Variants in C10orf90 observed in about 807,000 individuals in gnomAD.
C10orf90 encodes (E2-independent) E3 ubiquitin-conjugating enzyme FATS.
In C10orf90, 56 loss-of-function variants were observed where a neutral mutation model predicts 62.5. The ratio of observed to expected loss-of-function variants is 0.90; its 90% CI spans 0.72 to 1.12. The LOEUF (loss-of-function observed/expected upper bound fraction) is 1.12. C10orf90 is among the 50% of genes most tolerant of loss of function. The probability of loss-of-function intolerance (pLI) is 0.00; values close to 1 mark genes in which losing one functional copy is unlikely to be tolerated. For synonymous variants in C10orf90, 386 were observed against 340.4 expected, an observed-to-expected ratio of 1.13 and a Z score of -1.47; for missense variants, 970 against 880.4, an observed-to-expected ratio of 1.10 and a Z score of -1.29.
At chr10:126,491,291 A>C (rs1861757445) in intron 4 of C10orf90, among the ~76,000 whole-genome samples, 1 of 152,230 alleles carries the variant, frequency 6.6e-6, no homozygotes, top group Non-Finnish European at 1.5e-5. Flanking sequence ...CAGAAAGATC[A>C]GTGGTTTCCC....
chr10:126,456,456 C>A lies in C10orf90; in HGVS notation c.2188+2584G>T, dbSNP rs896542791. 6.6e-6 allele frequency among the ~76,000 whole-genome samples: 1 copy of A among 152,116 alleles called. No homozygotes were observed. ...TACTCAGTTAACATTCTGAACTGAG[C>A]CTGGTTACCTTTTATTACATACAAT... is the stretch of plus-strand genomic sequence containing the variant. On this transcript the variant is annotated intron_variant, in intron 7 of 9. Coordinates refer to ENST00000488181, the MANE Select transcript of C10orf90 (RefSeq NM_001350921.2). The surrounding 1 kb of genome is among the most constrained non-coding windows in gnomAD (Gnocchi z 4.9).
At chr10:126,572,899 T>A (rs1844535940) in intron 2 of C10orf90, among the ~76,000 whole-genome samples, 1 of 152,048 alleles carries the variant, frequency 6.6e-6, no homozygotes, top group African/African-American at 2.4e-5. Context: ...GAGGCATGAG[T>A]AATCCACCCC....
intron 1 of C10orf90, among the ~76,000 whole-genome samples, chr10:126,661,214 T>C (rs1479715019): frequency 6.6e-6 from 1 of 152,198 alleles, no homozygotes; most frequent in African/African-American, 2.4e-5. Context: ...GGCTCTATGA[T>C]AGAGTTGGAG....
intron 2 of C10orf90, among the ~76,000 whole-genome samples, chr10:126,613,276 C>T (rs1591144694): frequency 6.6e-6 from 1 of 152,080 alleles, no homozygotes; most frequent in Non-Finnish European, 1.5e-5. Context: ...CTCTCTCCAC[C>T]TAGGTTGGAG....
rs2134091496 is a variant in C10orf90, at chr10:126,456,647, T to G, written c.2188+2393A>C. Among the ~76,000 whole-genome samples, 1 of 152,312 alleles carries G rather than the reference T, an allele frequency of 6.6e-6. No individual in the cohort carries two copies. Among genetic ancestry groups the G allele is most frequent in the Admixed American group, 6.5e-5 (1 of 15,298 alleles). On this transcript the variant is annotated intron_variant, in intron 7 of 9. Coordinates refer to ENST00000488181, the MANE Select transcript of C10orf90 (RefSeq NM_001350921.2). This position sits in a 1 kb window ranked among gnomAD's most constrained non-coding sequence, Gnocchi z 4.9. Reference sequence around the variant, plus strand: ...ATGTGACTTCTTTGGAAATAGGGTCTTTGCAGAGGTAATCAAGTTAAAATG... The same window carrying G: ...ATGTGACTTCTTTGGAAATAGGGTCGTTGCAGAGGTAATCAAGTTAAAATG...
At chr10:126,531,376 C>A in intron 2 of C10orf90, among the ~76,000 whole-genome samples, 1 of 152,096 alleles carries the variant, frequency 6.6e-6, no homozygotes, top group Non-Finnish European at 1.5e-5. Context: ...TGCTGCGAAA[C>A]CCCTGAGGAT....
At chr10:126,665,500 C>A (rs2133877466) in intron 1 of C10orf90, among the ~76,000 whole-genome samples, 1 of 152,280 alleles carries the variant, frequency 6.6e-6, no homozygotes, top group Non-Finnish European at 1.5e-5. Context: ...GGAAAACATT[C>A]ATCAAAGCCC....
intron 4 of C10orf90, among the ~76,000 whole-genome samples, chr10:126,474,789 T>A (rs1158038509): frequency 1.3e-5 from 2 of 152,246 alleles, no homozygotes; most frequent in Admixed American, 1.3e-4. Context: ...AAGCCACATC[T>A]GAACGTAACT....
At chr10:126,600,707 ATGTG>A (rs376207407) in intron 2 of C10orf90, among the ~76,000 whole-genome samples, 1 of 152,018 alleles carries the variant, frequency 6.6e-6, no homozygotes, top group Non-Finnish European at 1.5e-5. Context: ...AAAAGACTGA[ATGTG>A]TGTGTGTGTT....
intron 2 of C10orf90, among the ~76,000 whole-genome samples, chr10:126,521,912 T>G (rs1199309530): frequency 6.6e-6 from 1 of 152,154 alleles, no homozygotes; most frequent in Non-Finnish European, 1.5e-5. Flanking sequence ...AAAACTGACT[T>G]TTAAAAAAAG....
chr10:126,447,533 A>G (rs1446368585), intron 7 of C10orf90, among the ~76,000 whole-genome samples: 3 of 152,200 alleles, frequency 2.0e-5, no homozygotes, highest in Non-Finnish European at 2.9e-5. Context: ...TTAAATATAT[A>G]AAGCAAATAA....
At chr10:126,573,614 GC>G (rs916129564) in intron 2 of C10orf90, among the ~76,000 whole-genome samples, 2 of 152,076 alleles carry the variant, frequency 1.3e-5, no homozygotes, top group Non-Finnish European at 2.9e-5. Context: ...GCCTTCCACA[GC>G]CCCCACACTT....
intron 2 of C10orf90, among the ~76,000 whole-genome samples, chr10:126,595,968 G>A (rs1845076228): frequency 6.6e-6 from 1 of 151,970 alleles, no homozygotes; most frequent in Admixed American, 6.6e-5. Context: ...TTTGAAATGG[G>A]CCATAGACTT....
chr10:126,521,464 C>G, intron 2 of C10orf90: 21 of 1,484,610 alleles, frequency 1.4e-5, no homozygotes, highest in Non-Finnish European at 1.8e-5. Context: ...CACCTTCCAG[C>G]CTCGGCCAAA....
chr10:126,445,944 G>A (rs1858749363), intron 7 of C10orf90, among the ~76,000 whole-genome samples: 1 of 151,700 alleles, frequency 6.6e-6, no homozygotes, highest in Non-Finnish European at 1.5e-5. Flanking sequence ...AACCATGTGA[G>A]AGCTAAGCTA....
chr10:126,607,779 A>G (rs1249402637), intron 2 of C10orf90, among the ~76,000 whole-genome samples: 1 of 152,244 alleles, frequency 6.6e-6, no homozygotes, highest in East Asian at 1.9e-4. Context: ...TCCATCAATG[A>G]ATTTTAAGGT....
intron 2 of C10orf90, among the ~76,000 whole-genome samples, chr10:126,603,380 A>C (rs757755698): frequency 3.3e-5 from 5 of 152,166 alleles, no homozygotes; most frequent in Non-Finnish European, 1.5e-5. Flanking sequence ...TATCACAAGA[A>C]GAGCAGCATG....
At chr10:126,575,163 A>G (rs762139315) in intron 2 of C10orf90, among the ~76,000 whole-genome samples, 2 of 152,108 alleles carry the variant, frequency 1.3e-5, no homozygotes, top group Non-Finnish European at 2.9e-5. Context: ...CAATTCGGCA[A>G]GAAAAATAAA....
chr10:126,431,052 C>T (rs537425842), intron 7 of C10orf90, among the ~76,000 whole-genome samples: 61 of 152,182 alleles, frequency 4.0e-4, no homozygotes, highest in South Asian at 8.3e-4. Context: ...ATGGCACCAT[C>T]GCTTAACTTC....
Sources: allele counts gnomAD v4.1 joint callset (sites outside exome capture counted in the v4.1 genomes callset), GRCh38; gene constraint gnomAD v4.1.1; non-coding constraint Gnocchi (gnomAD v3.1); transcripts MANE v1.5; gene names NCBI Gene and HGNC (gene_info 2026-07-23, HGNC 2026-07-21).